SYNPO2: variants seen among roughly 807,000 people sequenced by gnomAD.
SYNPO2 encodes the protein synaptopodin 2, also known as synaptopodin-2.
In SYNPO2, 56 loss-of-function variants were observed where a neutral mutation model predicts 85.0. The observed-to-expected ratio is 0.66, with a 90% CI of 0.53 to 0.82. SYNPO2 has a LOEUF of 0.82. SYNPO2 is among the 40% of genes least tolerant of loss of function. The probability of loss-of-function intolerance (pLI) is 0.00; values close to 1 mark genes in which losing one functional copy is unlikely to be tolerated. For synonymous variants in SYNPO2, 602 were observed against 591.1 expected, an observed-to-expected ratio of 1.02 and a Z score of -0.27; for missense variants, 1,575 against 1,534.2, an observed-to-expected ratio of 1.03 and a Z score of -0.44.
chr4:118,878,073 G>A (rs1310391372), intron 1 of SYNPO2, among the ~76,000 whole-genome samples: 1 of 152,158 alleles, frequency 6.6e-6, no homozygotes, highest in Non-Finnish European at 1.5e-5. Context: ...GGATGGAGTT[G>A]GAGGCCATTA....
At chr4:118,854,143 T>C (rs1731468419) in intron 1 of SYNPO2, among the ~76,000 whole-genome samples, 1 of 152,172 alleles carries the variant, frequency 6.6e-6, no homozygotes, top group African/African-American at 2.4e-5. Flanking sequence ...CATCCAGCAA[T>C]GGAACATAAC....
At chr4:118,940,964 C>T (rs886206610) in intron 1 of SYNPO2, among the ~76,000 whole-genome samples, 6 of 152,124 alleles carry the variant, frequency 3.9e-5, no homozygotes, top group African/African-American at 1.2e-4. Context: ...TCATAGCTGC[C>T]GTTACTGTTC....
rs1029452246 is a variant in SYNPO2 at position 119,009,528 on chromosome 4, A to T, written c.106-13902A>T. Among the ~76,000 whole-genome samples, 4 of 152,280 alleles carry T rather than the reference A, an allele frequency of 2.6e-5. No homozygotes were observed. In the South Asian group the frequency reaches 8.3e-4, roughly 32 times the overall value. On this transcript the variant is annotated intron_variant, in intron 1 of 4. Coordinates refer to ENST00000307142, the MANE Select transcript of SYNPO2 (RefSeq NM_133477.3). ...AAAGATCTGCCTGTTTCACACACAC[A>T]TACACACACACATAAACATAATTGA...
At chr4:118,933,645 G>T (rs1471627248) in intron 1 of SYNPO2, among the ~76,000 whole-genome samples, 6 of 152,080 alleles carry the variant, frequency 3.9e-5, no homozygotes, top group Admixed American at 3.9e-4. Context: ...TAGAACCAAG[G>T]TTAAGGAGGA....
At chr4:118,862,823 T>C (rs1731633888) in intron 1 of SYNPO2, among the ~76,000 whole-genome samples, 1 of 152,096 alleles carries the variant, frequency 6.6e-6, no homozygotes, top group African/African-American at 2.4e-5. Context: ...TTTCTTTTGC[T>C]TTTTTGAAAT....
At chr4:118,856,467 A>G (rs887796027) in intron 1 of SYNPO2, among the ~76,000 whole-genome samples, 1 of 152,212 alleles carries the variant, frequency 6.6e-6, no homozygotes, top group Non-Finnish European at 1.5e-5. Context: ...AGTGGAATGC[A>G]CATAAATTAC....
chr4:119,052,595 G>T (rs1739089621), intron 4 of SYNPO2, among the ~76,000 whole-genome samples: 1 of 152,118 alleles, frequency 6.6e-6, no homozygotes, highest in Admixed American at 6.5e-5. Flanking sequence ...CAGAGTTAGC[G>T]ACCTGAGAGA....
At chr4:119,015,258 T>C (rs1560981843) in intron 1 of SYNPO2, among the ~76,000 whole-genome samples, 1 of 152,236 alleles carries the variant, frequency 6.6e-6, no homozygotes, top group Non-Finnish European at 1.5e-5. Context: ...GCCAGTTTAC[T>C]AATAACTGCA....
intron 1 of SYNPO2, among the ~76,000 whole-genome samples, chr4:118,864,899 A>C (rs997760761): frequency 1.3e-5 from 2 of 152,174 alleles, no homozygotes; most frequent in African/African-American, 4.8e-5. Flanking sequence ...AATAAGTAAG[A>C]TACTGATAGC....
At chr4:119,006,996 A>C (rs1207711989) in intron 1 of SYNPO2, among the ~76,000 whole-genome samples, 1 of 151,078 alleles carries the variant, frequency 6.6e-6, no homozygotes, top group Non-Finnish European at 1.5e-5. Flanking sequence ...TTTTCATTAC[A>C]TTTCGGGACT....
chr4:119,035,222 G>A (rs1286312094), intron 4 of SYNPO2: 1 of 985,280 alleles, frequency 1.0e-6, no homozygotes, highest in Non-Finnish European at 1.2e-6. Context: ...CCTTAATCAT[G>A]TGTCAAACCT....
chr4:119,049,326 C>T (rs552025128), intron 4 of SYNPO2, among the ~76,000 whole-genome samples: 1 of 152,150 alleles, frequency 6.6e-6, no homozygotes, highest in Non-Finnish European at 1.5e-5. Context: ...TTTTCTTGGA[C>T]CTCCCAGAAT....
chr4:118,933,829 G>GTTTTTTTTT lies in SYNPO2; in HGVS notation c.105+44697_105+44705dup, dbSNP rs71595334. Among the ~76,000 whole-genome samples, 102 of 102,262 alleles carry GTTTTTTTTT rather than the reference G, an allele frequency of 1.0e-3. 4 individuals are homozygous for GTTTTTTTTT. Among genetic ancestry groups the GTTTTTTTTT allele is most frequent in the East Asian group, 2.3e-3 (7 of 3,056 alleles). The allele number at this position is 102,262 out of a possible 152,430, so 67.1% of individuals were successfully genotyped here. On this transcript the variant is annotated intron_variant, in intron 1 of 4. Transcript: ENST00000307142. ...ATAGCTGCTTTTTGCTGTTGTTGTT[G>GTTTTTTTTT]TTTTTTTTTTTTTTTTTGGACAGTA...
rs1340023885 is a variant in SYNPO2 at position 118,888,970 on chromosome 4, T to C, written c.-67T>C. ...GCAGGCGCCCGAAGCTGAGTGCGCA[T>C]CCTCTACCGCACCCAAGCTTCGTCT... On this transcript the variant is annotated 5_prime_UTR_variant, in exon 1 of 5. Coordinates refer to ENST00000307142, the MANE Select transcript of SYNPO2 (RefSeq NM_133477.3). The C allele has an allele frequency of 1.3e-6, 2 of 1,515,622 alleles. No individual in the cohort carries two copies. Among genetic ancestry groups the C allele is most frequent in the East Asian group, 2.3e-5 (1 of 44,266 alleles). 93.9% of individuals were successfully genotyped at this position (1,515,622 alleles called of 1,614,324 possible). A position where few individuals can be genotyped will look rare whatever the true frequency, so the allele number is the denominator to read the frequency against.
At chr4:118,916,014 G>A (rs570047284) in intron 1 of SYNPO2, among the ~76,000 whole-genome samples, 1 of 152,102 alleles carries the variant, frequency 6.6e-6, no homozygotes, top group South Asian at 2.1e-4. Context: ...AATTGTTTGT[G>A]TTATTGATTA....
intron 1 of SYNPO2, among the ~76,000 whole-genome samples, chr4:119,022,724 AATTTTATTTTATTTTATGTTTT>A (rs1553947325): frequency 7.0e-6 from 1 of 142,300 alleles, no homozygotes; most frequent in African/African-American, 2.6e-5. Context: ...ATTTTATTTT[AATTTTATTTTATTTTATGTTTT>A]ATTTTATTTT....
At chr4:118,982,181 A>G (rs1736048362) in intron 1 of SYNPO2, among the ~76,000 whole-genome samples, 1 of 152,158 alleles carries the variant, frequency 6.6e-6, no homozygotes, top group African/African-American at 2.4e-5. Flanking sequence ...TTTTTACATA[A>G]CAGAATTGCT....
chr4:119,052,401 G>A (rs553861055), intron 4 of SYNPO2, among the ~76,000 whole-genome samples: 1 of 152,302 alleles, frequency 6.6e-6, no homozygotes, highest in East Asian at 1.9e-4. Context: ...CATGAATCAA[G>A]GACTAGAGGT....
chr4:118,910,801 T>A (rs1283625465), intron 1 of SYNPO2, among the ~76,000 whole-genome samples: 13 of 152,190 alleles, frequency 8.5e-5, no homozygotes, highest in Non-Finnish European at 1.8e-4. Context: ...AATTCTTGTT[T>A]CTTATTTATG....
Sources: gnomAD v4.1 joint callset for allele counts (sites outside exome capture counted in the v4.1 genomes callset) on GRCh38, gnomAD v4.1.1 for gene constraint, MANE v1.5 for transcripts, NCBI Gene and HGNC (gene_info 2026-07-23, HGNC 2026-07-21) for gene names.